THEMIS: variants seen among roughly 807,000 people sequenced by gnomAD.
THEMIS encodes thymocyte selection associated.
A neutral mutation model predicts 52.6 loss-of-function variants in THEMIS; 37 were observed. The ratio of observed to expected loss-of-function variants is 0.70; its 90% CI spans 0.54 to 0.93. The LOEUF (loss-of-function observed/expected upper bound fraction) is 0.93, where lower values mean the gene tolerates loss of function less well. Ranked by LOEUF, THEMIS falls within the 40% of genes least tolerant of loss-of-function variation. The probability of loss-of-function intolerance (pLI) is 0.00; values close to 1 mark genes in which losing one functional copy is unlikely to be tolerated. For missense variants in THEMIS, 808 were observed against 763.1 expected, an observed-to-expected ratio of 1.06 and a Z score of -0.69; for synonymous variants, 292 against 272.7, an observed-to-expected ratio of 1.07 and a Z score of -0.70.
intron 4 of THEMIS, among the ~76,000 whole-genome samples, chr6:127,727,146 T>G (rs2114508364): frequency 6.6e-6 from 1 of 152,280 alleles, no homozygotes; most frequent in Non-Finnish European, 1.5e-5. Flanking sequence ...CTGGAGTAGC[T>G]CTTTGTGTAG....
intron 1 of THEMIS, among the ~76,000 whole-genome samples, chr6:127,865,121 C>T (rs1255398271): frequency 6.6e-6 from 1 of 152,092 alleles, no homozygotes; most frequent in Non-Finnish European, 1.5e-5. Flanking sequence ...CACAACTGAC[C>T]TTAACTACTA....
At position 127,817,645 on chromosome 6, in the gene THEMIS, T is replaced by A. The variant is rs187996674; in HGVS notation, c.710-3714A>T. ...GTGAAAATCAACAACTCTTCTTAGA[T>A]TCACCAGAGAATTGAGGTCACAGGG... is the stretch of plus-strand genomic sequence containing the variant. On this transcript the variant is annotated intron_variant, in intron 3 of 5. Coordinates refer to ENST00000368248, the MANE Select transcript of THEMIS (RefSeq NM_001010923.3). 1.3e-5 allele frequency among the ~76,000 whole-genome samples: 2 copies of A among 152,244 alleles called. 1 individual carries two copies. Among genetic ancestry groups the A allele is most frequent in the East Asian group, 3.9e-4 (2 of 5,184 alleles).
chr6:127,750,012 A>T (rs1775582001), intron 4 of THEMIS, among the ~76,000 whole-genome samples: 1 of 146,852 alleles, frequency 6.8e-6, no homozygotes, highest in Admixed American at 7.0e-5. Flanking sequence ...GGGACACTGC[A>T]TCCTAGATCA....
At position 127,900,839 on chromosome 6, in the gene THEMIS, T is replaced by C. The variant is rs759442811; in HGVS notation, c.91+3A>G. 5.7e-5 allele frequency: 92 copies of C among 1,612,182 alleles called. No individual in the cohort carries two copies. Among genetic ancestry groups the C allele is most frequent in the Non-Finnish European group, 7.5e-5 (88 of 1,178,634 alleles). ...GCCAGTAAAGGTATTGGAGAGTGCTTACCTTCAAGATAGATGCCTGCCTGG... is the reference window on the plus strand; with the variant it reads ...GCCAGTAAAGGTATTGGAGAGTGCTCACCTTCAAGATAGATGCCTGCCTGG... On this transcript the variant is annotated splice_donor_region_variant and intron_variant, in intron 1 of 5. Coordinates refer to ENST00000368248, the MANE Select transcript of THEMIS (RefSeq NM_001010923.3).
chr6:127,831,788 A>G (rs1044620699), intron 2 of THEMIS, among the ~76,000 whole-genome samples: 6 of 152,190 alleles, frequency 3.9e-5, no homozygotes, highest in Non-Finnish European at 8.8e-5. Flanking sequence ...CACTCACTGT[A>G]TGCTGTGCTT....
At chr6:127,759,974 G>A (rs1002914178) in intron 4 of THEMIS, among the ~76,000 whole-genome samples, 8 of 151,382 alleles carry the variant, frequency 5.3e-5, no homozygotes, top group African/African-American at 1.7e-4. Context: ...AGATTATGTA[G>A]CTTCCCAACT....
intron 1 of THEMIS, among the ~76,000 whole-genome samples, chr6:127,865,105 T>TGC (rs1779931972): frequency 6.6e-6 from 1 of 151,998 alleles, no homozygotes. Context: ...AGGCATGGAG[T>TGC]GCACACACAA....
intron 1 of THEMIS, among the ~76,000 whole-genome samples, chr6:127,890,066 G>A (rs966829205): frequency 3.9e-5 from 6 of 152,072 alleles, no homozygotes; most frequent in Admixed American, 6.6e-5. Context: ...TTCACAACAT[G>A]AAATTTATGA....
chr6:127,833,202 AAATT>A (rs1242078979), intron 2 of THEMIS, among the ~76,000 whole-genome samples: 1 of 152,104 alleles, frequency 6.6e-6, no homozygotes, highest in African/African-American at 2.4e-5. Flanking sequence ...GACCTGCTAA[AAATT>A]AATTAATAAA....
Position 127,829,609 on chromosome 6 carries a change from A to T in THEMIS, c.576T>A (p.Ile192=). 1 of 1,614,092 alleles carries T rather than the reference A, an allele frequency of 6.2e-7. No homozygotes were observed. The highest frequency in any genetic ancestry group is 8.5e-7 in the Non-Finnish European group (1 of 1,179,998). ...TTACAGTTCTTGTTCTGTTCTTAGGAATCTTCCATTCAACAATCTCCTTTA... is the reference window on the plus strand; with the variant it reads ...TTACAGTTCTTGTTCTGTTCTTAGGTATCTTCCATTCAACAATCTCCTTTA... ...YTLKEIVEWK[I]PKNRTRTVNL... Residue 192 remains isoleucine, a synonymous_variant, in exon 3 of 6, where the codon ATT becomes ATA. Transcript: ENST00000368248.
intron 1 of THEMIS, among the ~76,000 whole-genome samples, chr6:127,874,669 T>C (rs921704980): frequency 1.3e-5 from 2 of 152,204 alleles, no homozygotes; most frequent in Admixed American, 1.3e-4. Context: ...CTTCACATTA[T>C]ACACACACAA....
At chr6:127,893,575 C>T (rs1320479424) in intron 1 of THEMIS, among the ~76,000 whole-genome samples, 5 of 152,156 alleles carry the variant, frequency 3.3e-5, no homozygotes, top group Non-Finnish European at 7.4e-5. Flanking sequence ...AGGGCATAAA[C>T]GCTTCACATC....
chr6:127,819,824 G>A (rs773461385), intron 3 of THEMIS, among the ~76,000 whole-genome samples: 1 of 152,160 alleles, frequency 6.6e-6, no homozygotes, highest in Non-Finnish European at 1.5e-5. Flanking sequence ...TTAAAGGTAG[G>A]AAACTCAGAT....
chr6:127,910,859 G>T (rs1781394452), intron 1 of THEMIS, among the ~76,000 whole-genome samples: 1 of 151,914 alleles, frequency 6.6e-6, no homozygotes. Context: ...TCCTTTTTAG[G>T]ATCCCATTCA....
At chr6:127,799,221 A>G (rs1340151537) in intron 4 of THEMIS, among the ~76,000 whole-genome samples, 1 of 152,360 alleles carries the variant, frequency 6.6e-6, no homozygotes, top group African/African-American at 2.4e-5. Flanking sequence ...TTTTCTTTTT[A>G]GAATTATCAA....
intron 4 of THEMIS, among the ~76,000 whole-genome samples, chr6:127,730,291 G>GAA (rs1347847532): frequency 8.3e-6 from 1 of 121,134 alleles, no homozygotes; most frequent in Non-Finnish European, 1.8e-5. Flanking sequence ...GAAAAGAAAA[G>GAA]AAAAGAAAAG....
chr6:127,917,689 A>G (rs1383144568), intron 1 of THEMIS, among the ~76,000 whole-genome samples: 1 of 152,212 alleles, frequency 6.6e-6, no homozygotes, highest in Non-Finnish European at 1.5e-5. Context: ...GGTTAGTTGA[A>G]GAGAGACCAA....
intron 4 of THEMIS, among the ~76,000 whole-genome samples, chr6:127,746,103 T>C (rs902761655): frequency 1.3e-5 from 2 of 151,876 alleles, no homozygotes; most frequent in African/African-American, 2.4e-5. Context: ...TTTCTCCTCG[T>C]CTTCCCAAGT....
intron 4 of THEMIS, among the ~76,000 whole-genome samples, chr6:127,785,435 T>C (rs143707539): frequency 0.017 from 2,610 of 151,826 alleles, 82 homozygotes; most frequent in African/African-American, 0.06. Flanking sequence ...CTGCACGTTG[T>C]GCACATGTAC....
Sources: allele counts gnomAD v4.1 joint callset (sites outside exome capture counted in the v4.1 genomes callset), GRCh38; gene constraint gnomAD v4.1.1; transcripts MANE v1.5; gene names NCBI Gene and HGNC (gene_info 2026-07-23, HGNC 2026-07-21).